The following SRGAP3 variants were observed in gnomAD, a reference collection of about 807,000 sequenced individuals.
The protein encoded by SRGAP3 is SLIT-ROBO Rho GTPase activating protein 3.
SRGAP3 carries 39 observed loss-of-function variants against 121.1 expected under a neutral mutation model. That is an observed-to-expected ratio of 0.32 (90% CI 0.25 to 0.42). The LOEUF is 0.42. SRGAP3 is among the 10% of genes least tolerant of loss of function. The pLI is 1.00. For synonymous variants in SRGAP3, 601 were observed against 570.0 expected (o/e 1.05, Z -0.77); for missense variants, 1,213 against 1,470.6 (o/e 0.82, Z 2.86).
chr3:9,137,256 C>A (rs1392388388), intron 1 of SRGAP3, among the ~76,000 whole-genome samples: 1 of 152,148 alleles, frequency 6.6e-6, no homozygotes, highest in Non-Finnish European at 1.5e-5. Flanking sequence ...CTTTCGCCAC[C>A]TCACGATTAT....
At chr3:9,293,560 T>C (rs530570548) in intron 3 of SRGAP3, among the ~76,000 whole-genome samples, 4 of 152,172 alleles carry the variant, frequency 2.6e-5, no homozygotes, top group African/African-American at 9.6e-5. Flanking sequence ...ACTTAAAGAA[T>C]GGAAGAAAAT....
intron 2 of SRGAP3, among the ~76,000 whole-genome samples, chr3:9,106,683 C>G (rs1948429175): frequency 6.6e-6 from 1 of 152,134 alleles, no homozygotes; most frequent in Non-Finnish European, 1.5e-5. Context: ...TCCTCATTTT[C>G]TCTTGCCACC....
chr3:9,014,081 G>T, intron 15 of SRGAP3: 1 of 563,558 alleles, frequency 1.8e-6, no homozygotes, highest in Non-Finnish European at 3.2e-6. Context: ...CTCCGGACTT[G>T]GTTGTGAGAA....
At chr3:9,266,142 T>A (rs79239692) in intron 3 of SRGAP3, among the ~76,000 whole-genome samples, 1 of 152,140 alleles carries the variant, frequency 6.6e-6, no homozygotes, top group Non-Finnish European at 1.5e-5. Context: ...AAACACCACA[T>A]GTTCTCACTC....
intron 1 of SRGAP3, among the ~76,000 whole-genome samples, chr3:9,352,719 T>C (rs1019675214): frequency 6.6e-6 from 1 of 152,360 alleles, no homozygotes; most frequent in Non-Finnish European, 1.5e-5. Context: ...TCAGGCCACC[T>C]TGGTGTGCGT....
chr3:9,060,434 T>A, intron 5 of SRGAP3, 75 bp from the exon 6 acceptor site: 1 of 1,490,076 alleles, frequency 6.7e-7, no homozygotes, highest in Non-Finnish European at 9.1e-7. Context: ...ATTCCTTTTT[T>A]TTTTTTTTTT....
chr3:9,187,001 T>C (rs1217164245), intron 1 of SRGAP3, among the ~76,000 whole-genome samples: 1 of 152,172 alleles, frequency 6.6e-6, no homozygotes, highest in Admixed American at 6.5e-5. Context: ...CTGGGACACA[T>C]GTGCAGAACA....
chr3:9,041,801 G>A (rs73013369), intron 10 of SRGAP3, among the ~76,000 whole-genome samples: 2 of 152,126 alleles, frequency 1.3e-5, no homozygotes, highest in Admixed American at 6.5e-5. Context: ...ATTACAAAAC[G>A]TTAAGAGAAA....
chr3:9,302,963 AC>A (rs1559267697), intron 3 of SRGAP3, among the ~76,000 whole-genome samples: 7 of 48,154 alleles, frequency 1.5e-4, no homozygotes, highest in East Asian at 1.6e-3. Flanking sequence ...TTTTGTCACC[AC>A]TTTTGAAATA....
At chr3:9,030,799 G>A (rs1395797418) in intron 12 of SRGAP3, among the ~76,000 whole-genome samples, 1 of 152,120 alleles carries the variant, frequency 6.6e-6, no homozygotes, top group African/African-American at 2.4e-5. Context: ...GCAAACTGAG[G>A]ATGTCCCTGT....
chr3:9,126,825 T>C (rs1429181040), intron 1 of SRGAP3, among the ~76,000 whole-genome samples: 1 of 152,104 alleles, frequency 6.6e-6, no homozygotes, highest in Non-Finnish European at 1.5e-5. Context: ...ATGGGTGTAA[T>C]GTACATTATT....
intron 1 of SRGAP3, among the ~76,000 whole-genome samples, chr3:9,147,613 T>C (rs966184072): frequency 2.0e-5 from 3 of 152,098 alleles, no homozygotes; most frequent in Non-Finnish European, 2.9e-5. Flanking sequence ...ATTAGCCAGA[T>C]GAGCCCTTCC....
At chr3:9,000,573 C>G (rs1942695556) in intron 18 of SRGAP3, among the ~76,000 whole-genome samples, 1 of 152,196 alleles carries the variant, frequency 6.6e-6, no homozygotes, top group African/African-American at 2.4e-5. Context: ...AGGGGACTCT[C>G]AAGAACAGTG....
intron 18 of SRGAP3, among the ~76,000 whole-genome samples, chr3:9,001,406 C>T (rs1482383439): frequency 2.0e-5 from 3 of 152,012 alleles, no homozygotes; most frequent in Non-Finnish European, 4.4e-5. Context: ...CTAAAAATAA[C>T]TCAAAAATAT....
intron 2 of SRGAP3, among the ~76,000 whole-genome samples, chr3:9,328,331 T>C (rs1325112574): frequency 6.6e-6 from 1 of 152,224 alleles, no homozygotes; most frequent in Non-Finnish European, 1.5e-5. Flanking sequence ...CGATTTTTCA[T>C]TTGCCACATT....
chr3:9,286,594 TTTGTCG>T (rs1954776247), intron 3 of SRGAP3, among the ~76,000 whole-genome samples: 1 of 152,178 alleles, frequency 6.6e-6, no homozygotes, highest in Non-Finnish European at 1.5e-5. Flanking sequence ...TTATTTTGTT[TTTGTCG>T]TTGTTGTTGT....
intron 12 of SRGAP3, among the ~76,000 whole-genome samples, chr3:9,030,635 TAA>T (rs1285355652): frequency 6.6e-6 from 1 of 151,778 alleles, no homozygotes; most frequent in Non-Finnish European, 1.5e-5. Flanking sequence ...TCAGAAGGAA[TAA>T]AGTCAGATAA....
chr3:9,087,104 ATATATT>A (rs1312537195), intron 3 of SRGAP3, among the ~76,000 whole-genome samples: 1 of 152,016 alleles, frequency 6.6e-6, no homozygotes, highest in Non-Finnish European at 1.5e-5. Context: ...ATGTGTGTAT[ATATATT>A]TATATGTGTG....
At chr3:9,205,692 A>G (rs1490324237) in intron 1 of SRGAP3, among the ~76,000 whole-genome samples, 3 of 152,252 alleles carry the variant, frequency 2.0e-5, no homozygotes, top group Admixed American at 2.0e-4. Context: ...ATGCAGGTGC[A>G]TTATTCAACA....
Sources: gnomAD v4.1 joint callset for allele counts (sites outside exome capture counted in the v4.1 genomes callset) on GRCh38, gnomAD v4.1.1 for gene constraint, MANE v1.5 for transcripts, NCBI Gene and HGNC (gene_info 2026-07-23, HGNC 2026-07-21) for gene names.